Variants in GPC5 observed in about 807,000 individuals in gnomAD.
GPC5 encodes glypican-5.
In GPC5, 47 loss-of-function variants were observed where a neutral mutation model predicts 53.9. The observed-to-expected ratio is 0.87, with a 90% confidence interval of 0.69 to 1.11. The LOEUF is 1.11. GPC5 is among the 50% of genes most tolerant of loss of function. The pLI is 0.00. For synonymous variants in GPC5, 286 were observed against 263.3 expected (o/e 1.09, Z -0.84); for missense variants, 748 against 713.1 (o/e 1.05, Z -0.56).
At position 92,660,628 on chromosome 13, in the gene GPC5, G is replaced by A. The variant is rs1006366876; in HGVS notation, c.1562-205654G>A. Among the ~76,000 whole-genome samples the A allele has an allele frequency of 7.3e-5, 11 of 151,060 alleles. No individual in the cohort carries two copies. In the South Asian group the frequency reaches 1.5e-3, roughly 20 times the overall value. On this transcript the variant is annotated intron_variant, in intron 7 of 7. Transcript: ENST00000377067. ...TGGTTTCTTCTTCCCTCTCTTCCAC[G>A]TAATGATCTCTCTGCATCTTATCCA...
chr13:91,737,436 CA>C (rs2036839355), intron 4 of GPC5, among the ~76,000 whole-genome samples: 1 of 150,756 alleles, frequency 6.6e-6, no homozygotes, highest in Admixed American at 6.6e-5. Context: ...TAAACCAAAC[CA>C]AAACCATTAA....
intron 7 of GPC5, among the ~76,000 whole-genome samples, chr13:92,838,998 C>G (rs1878325743): frequency 1.3e-5 from 2 of 152,202 alleles, no homozygotes; most frequent in South Asian, 2.1e-4. Flanking sequence ...TGAGTCAAAA[C>G]TGTTCACCAG....
intron 7 of GPC5, among the ~76,000 whole-genome samples, chr13:92,707,090 C>T (rs1422961320): frequency 6.8e-6 from 1 of 146,854 alleles, no homozygotes; most frequent in Admixed American, 6.7e-5. Context: ...GGATTTCCAG[C>T]CTCCAGAACT....
chr13:91,636,065 G>A (rs1326746), intron 2 of GPC5, among the ~76,000 whole-genome samples: 52,471 of 151,776 alleles, frequency 0.35, 11,492 homozygotes, highest in African/African-American at 0.62. Flanking sequence ...ATTTAACAGC[G>A]TTAGGTATTC....
At chr13:91,597,061 G>C (rs1319872165) in intron 2 of GPC5, among the ~76,000 whole-genome samples, 2 of 152,086 alleles carry the variant, frequency 1.3e-5, no homozygotes, top group Non-Finnish European at 2.9e-5. Context: ...CCACTGCAAG[G>C]CCTGGAAACT....
chr13:92,529,637 GT>G (rs1203726802), intron 7 of GPC5, among the ~76,000 whole-genome samples: 1 of 152,064 alleles, frequency 6.6e-6, no homozygotes, highest in Non-Finnish European at 1.5e-5. Context: ...TCTGATCACA[GT>G]TCTCAGCTGG....
intron 5 of GPC5, among the ~76,000 whole-genome samples, chr13:91,897,694 GA>G (rs1306459087): frequency 1.3e-5 from 2 of 151,992 alleles, no homozygotes; most frequent in African/African-American, 2.4e-5. Context: ...GTGAAGAAAG[GA>G]AAAAAATTCC....
At chr13:92,660,879 GA>G (rs2139185219) in intron 7 of GPC5, among the ~76,000 whole-genome samples, 1 of 152,056 alleles carries the variant, frequency 6.6e-6, no homozygotes, top group East Asian at 1.9e-4. Flanking sequence ...TGGAACTAAA[GA>G]ATTGAATTTT....
intron 2 of GPC5, among the ~76,000 whole-genome samples, chr13:91,692,464 T>C (rs1365719694): frequency 2.0e-5 from 3 of 152,186 alleles, no homozygotes; most frequent in African/African-American, 4.8e-5. Flanking sequence ...AAAAAGATTT[T>C]AAAAATTATA....
At chr13:92,677,832 A>G (rs761281654) in intron 7 of GPC5, among the ~76,000 whole-genome samples, 14 of 152,168 alleles carry the variant, frequency 9.2e-5, no homozygotes, top group East Asian at 1.9e-4. Context: ...GCACTCCACA[A>G]TGAGAACAGG....
intron 7 of GPC5, among the ~76,000 whole-genome samples, chr13:92,457,355 G>A (rs1430595958): frequency 6.6e-6 from 1 of 152,014 alleles, no homozygotes; most frequent in African/African-American, 2.4e-5. Context: ...GGACTATTCT[G>A]TGCATGTAAA....
intron 7 of GPC5, among the ~76,000 whole-genome samples, chr13:92,442,847 T>A (rs1877629930): frequency 6.6e-6 from 1 of 152,196 alleles, no homozygotes; most frequent in South Asian, 2.1e-4. Context: ...CACATCACAA[T>A]AAATTTTTTT....
At chr13:91,831,095 C>A (rs1268006462) in intron 5 of GPC5, among the ~76,000 whole-genome samples, 1 of 136,248 alleles carries the variant, frequency 7.3e-6, no homozygotes, top group Non-Finnish European at 1.5e-5. Flanking sequence ...TAATATATAT[C>A]CTATTATATA....
At chr13:92,632,574 A>C (rs9584051) in intron 7 of GPC5, among the ~76,000 whole-genome samples, 3 of 151,124 alleles carry the variant, frequency 2.0e-5, no homozygotes, top group Non-Finnish European at 4.4e-5. Context: ...CTATTAATCT[A>C]TATATGTATG....
intron 7 of GPC5, among the ~76,000 whole-genome samples, chr13:92,860,035 T>C (rs746881097): frequency 3.3e-5 from 5 of 152,160 alleles, no homozygotes; most frequent in Non-Finnish European, 7.4e-5. Context: ...CAGTGACAAT[T>C]TCCTTGCTAT....
chr13:91,411,982 C>A (rs979414887), intron 1 of GPC5, among the ~76,000 whole-genome samples: 5 of 152,202 alleles, frequency 3.3e-5, no homozygotes, highest in Admixed American at 6.5e-5. Context: ...GCTTCATAAT[C>A]ATGCTTCTGT....
chr13:91,453,358 G>A (rs1263098418), intron 2 of GPC5, among the ~76,000 whole-genome samples: 2 of 151,854 alleles, frequency 1.3e-5, no homozygotes, highest in African/African-American at 4.8e-5. Context: ...AGCTGCTACT[G>A]TAAAACTAAA....
At chr13:91,667,343 G>A (rs1264461141) in intron 2 of GPC5, among the ~76,000 whole-genome samples, 2 of 152,030 alleles carry the variant, frequency 1.3e-5, no homozygotes, top group Admixed American at 6.6e-5. Context: ...ATTTATATAT[G>A]CCTTCTCTTT....
chr13:92,607,329 G>A (rs1350057349), intron 7 of GPC5, among the ~76,000 whole-genome samples: 1 of 152,086 alleles, frequency 6.6e-6, no homozygotes, highest in African/African-American at 2.4e-5. Context: ...ACATATTCAG[G>A]CTCATTATCT....
Sources: allele counts gnomAD v4.1 joint callset (sites outside exome capture counted in the v4.1 genomes callset), GRCh38; gene constraint gnomAD v4.1.1; transcripts MANE v1.5; gene names NCBI Gene and HGNC (gene_info 2026-07-23, HGNC 2026-07-21).